The following RBFOX1 variants were observed in gnomAD, a reference collection of about 807,000 sequenced individuals.
RBFOX1 encodes RNA binding protein fox-1 homolog 1.
Under a neutral mutation model 57.7 loss-of-function variants are expected in RBFOX1, and 8 were observed. The observed-to-expected ratio is 0.14, with a 90% CI of 0.08 to 0.25. The LOEUF is 0.25. Among genes scored for constraint, RBFOX1 ranks in the 10% least tolerant of loss-of-function variants. The pLI, the probability that RBFOX1 is intolerant of heterozygous loss-of-function variation, is 1.00. For missense variants in RBFOX1, 611 were observed against 548.5 expected, an observed-to-expected ratio of 1.11 and a Z score of -1.14; for synonymous variants, 326 against 222.4, an observed-to-expected ratio of 1.47 and a Z score of -4.15.
intron 1 of RBFOX1, among the ~76,000 whole-genome samples, chr16:5,324,558 C>T (rs2064508305): frequency 6.6e-6 from 1 of 152,184 alleles, no homozygotes; most frequent in Non-Finnish European, 1.5e-5. Flanking sequence ...GAATCAACCT[C>T]AGTGCCCATC....
At chr16:5,399,158 T>A (rs183896569) in intron 1 of RBFOX1, among the ~76,000 whole-genome samples, 1 of 152,316 alleles carries the variant, frequency 6.6e-6, no homozygotes, top group Non-Finnish European at 1.5e-5. Flanking sequence ...AGCCTCAGTT[T>A]CCTTATCTGT....
chr16:6,688,135 A>G (rs1371437800), intron 3 of RBFOX1, among the ~76,000 whole-genome samples: 2 of 152,176 alleles, frequency 1.3e-5, no homozygotes, highest in African/African-American at 4.8e-5. Flanking sequence ...CTGTACAGGA[A>G]GCACCACGGC....
At chr16:7,389,902 C>A (rs1041109697) in intron 4 of RBFOX1, among the ~76,000 whole-genome samples, 7 of 152,098 alleles carry the variant, frequency 4.6e-5, no homozygotes, top group African/African-American at 1.7e-4. Flanking sequence ...TGTAGTAGTC[C>A]ATTCTCATAC....
chr16:6,441,097 G>A (rs183779748), intron 2 of RBFOX1, among the ~76,000 whole-genome samples: 35 of 152,296 alleles, frequency 2.3e-4, no homozygotes, highest in African/African-American at 7.9e-4. Flanking sequence ...CGGACGGAGA[G>A]GCAGTGAGCC....
chr16:7,166,972 CTTTTTTTTTTTTTTTTT>C (rs537293692), intron 4 of RBFOX1, among the ~76,000 whole-genome samples: 748 of 49,134 alleles, frequency 0.015, 26 homozygotes, highest in African/African-American at 0.071. Flanking sequence ...CATTGGTGTT[CTTTTTTTTTTTTTTTTT>C]TTTTTTTTTT....
chr16:6,596,650 A>C (rs540131498), intron 2 of RBFOX1, among the ~76,000 whole-genome samples: 1 of 144,338 alleles, frequency 6.9e-6, no homozygotes, highest in Non-Finnish European at 1.5e-5. Context: ...AGGCTTGTTC[A>C]TATGTTGTAT....
chr16:6,238,909 A>G (rs1280131478), intron 1 of RBFOX1, among the ~76,000 whole-genome samples: 1 of 152,066 alleles, frequency 6.6e-6, no homozygotes, highest in African/African-American at 2.4e-5. Flanking sequence ...ACATCCAATT[A>G]TATTATTTTA....
At chr16:6,041,641 C>G (rs899569981) in intron 1 of RBFOX1, among the ~76,000 whole-genome samples, 2 of 152,086 alleles carry the variant, frequency 1.3e-5, no homozygotes, top group Admixed American at 1.3e-4. Flanking sequence ...GAAACCAAAG[C>G]CTAAGTCTTG....
chr16:6,386,359 TC>T (rs141057799), intron 2 of RBFOX1, among the ~76,000 whole-genome samples: 15,375 of 152,214 alleles, frequency 0.1, 884 homozygotes, highest in Middle Eastern at 0.2. Context: ...TGTGAGCCTT[TC>T]TTTAACCACT....
intron 1 of RBFOX1, among the ~76,000 whole-genome samples, chr16:6,023,601 T>C (rs2152363127): frequency 6.6e-6 from 1 of 152,296 alleles, no homozygotes; most frequent in South Asian, 2.1e-4. Flanking sequence ...GACGCAGCGA[T>C]TTCCCAGTGG....
At chr16:6,184,202 A>G (rs1033436576) in intron 1 of RBFOX1, among the ~76,000 whole-genome samples, 10 of 152,168 alleles carry the variant, frequency 6.6e-5, no homozygotes, top group Admixed American at 5.9e-4. Flanking sequence ...TTCTCCCATA[A>G]CATATGGGAA....
chr16:5,270,007 A>C (rs2062965226), intron 1 of RBFOX1, among the ~76,000 whole-genome samples: 1 of 152,116 alleles, frequency 6.6e-6, no homozygotes, highest in African/African-American at 2.4e-5. Flanking sequence ...AGAAAAAATA[A>C]ATAGCAGCTG....
chr16:7,677,674 A>G (rs1486368996), intron 14 of RBFOX1, among the ~76,000 whole-genome samples: 2 of 152,254 alleles, frequency 1.3e-5, no homozygotes, highest in African/African-American at 4.8e-5. Context: ...TTCTGAGGAC[A>G]TAAATGTGAA....
intron 1 of RBFOX1, among the ~76,000 whole-genome samples, chr16:5,387,936 C>T (rs1040498101): frequency 6.6e-6 from 1 of 152,134 alleles, no homozygotes; most frequent in Admixed American, 6.5e-5. Context: ...GAGAGAAACT[C>T]CGTGGTCTAC....
intron 4 of RBFOX1, among the ~76,000 whole-genome samples, chr16:7,188,127 A>C (rs542004784): frequency 6.6e-6 from 1 of 152,230 alleles, no homozygotes; most frequent in Admixed American, 6.5e-5. Context: ...ATTTTGGAAG[A>C]TCAGCCAACT....
intron 2 of RBFOX1, among the ~76,000 whole-genome samples, chr16:6,587,119 G>C (rs2097638143): frequency 1.3e-5 from 2 of 152,180 alleles, no homozygotes; most frequent in East Asian, 3.9e-4. Context: ...CAACAGGTCT[G>C]TTGGATTTAT....
At chr16:7,354,788 C>T (rs1043806856) in intron 4 of RBFOX1, among the ~76,000 whole-genome samples, 3 of 152,176 alleles carry the variant, frequency 2.0e-5, no homozygotes, top group African/African-American at 2.4e-5. Context: ...TTGACATTTT[C>T]AGTGCCTAGG....
rs573275715 is a variant in RBFOX1 at position 5,633,039 on chromosome 16, A to C, written c.318+34078A>C. ...CTGCATCCTCTACCTCCCAAGTTCA[A>C]GTGATTCTCCTGCCTCAGCCTCCTG... On this transcript the variant is annotated intron_variant, in intron 3 of 19. Transcript: ENST00000641259. Among the ~76,000 whole-genome samples the C allele has an allele frequency of 1.1e-4, 17 of 149,294 alleles. No individual in the cohort carries two copies. In the South Asian group the frequency reaches 2.1e-3, roughly 19 times the overall value.
chr16:5,595,927 G>C (rs1055069769), intron 2 of RBFOX1, among the ~76,000 whole-genome samples: 2 of 152,126 alleles, frequency 1.3e-5, no homozygotes, highest in Admixed American at 6.5e-5. Context: ...TGGCAGGAAG[G>C]GCAGAAAAAG....
Sources: allele counts gnomAD v4.1 joint callset (sites outside exome capture counted in the v4.1 genomes callset), GRCh38; gene constraint gnomAD v4.1.1; transcripts MANE v1.5; gene names NCBI Gene and HGNC (gene_info 2026-07-23, HGNC 2026-07-21).